Variants in LIN7B observed in about 807,000 individuals in gnomAD.
LIN7B encodes the protein protein lin-7 homolog B.
A neutral mutation model predicts 27.9 loss-of-function variants in LIN7B; 16 were observed. The observed-to-expected ratio is 0.57, with a 90% CI of 0.39 to 0.87. The LOEUF (loss-of-function observed/expected upper bound fraction) is 0.87. Among genes scored for constraint, LIN7B ranks in the 40% least tolerant of loss-of-function variants. The pLI is 0.00. For synonymous variants in LIN7B, 147 were observed against 120.8 expected (o/e 1.22, Z -1.42); for missense variants, 291 against 288.5 (o/e 1.01, Z -0.06).
Position 49,114,425 on chromosome 19 carries a change from G to A in LIN7B, c.21G>A (p.Pro7=), listed in dbSNP as rs1034811438. Residue 7 remains proline, a synonymous_variant, in exon 1 of 6, where the codon CCG becomes CCA. Coordinates refer to ENST00000221459, the MANE Select transcript of LIN7B (RefSeq NM_022165.3). ...CCGACATGGCTGCGCTGGTGGAGCC[G>A]CTGGGGCTGGAGCGGGGTAAGCGTG... The part of the protein sequence containing the change: MAALVE[P]LGLERDVSRA... 1.7e-6 allele frequency: 2 copies of A among 1,206,142 alleles called. No individual in the cohort carries two copies. The highest frequency in any genetic ancestry group is 2.1e-6 in the Non-Finnish European group (2 of 971,416). 74.7% of individuals were successfully genotyped at this position (1,206,142 alleles called of 1,614,324 possible). A position where few individuals can be genotyped will look rare whatever the true frequency, so the allele number is the denominator to read the frequency against.
intron 3 of LIN7B, among the ~76,000 whole-genome samples, chr19:49,115,648 C>T (rs147126907): frequency 2.0e-5 from 3 of 152,038 alleles, no homozygotes; most frequent in Admixed American, 6.6e-5. Context: ...TGCTGCTGTC[C>T]GGAGGCTCAG....
At position 49,117,498 on chromosome 19, in the gene LIN7B, TG is replaced by T. The variant is rs1333186402; in HGVS notation, c.439-353del. On this transcript the variant is annotated intron_variant, in intron 4 of 5. Coordinates refer to ENST00000221459, the MANE Select transcript of LIN7B (RefSeq NM_022165.3). ...TTAGAAGCCAGGCCAGGGAGGAGGC[TG>T]GGGTAAGAGTCCAGAGAAAAGAGGA... is the stretch of plus-strand genomic sequence containing the variant. 2.6e-5 allele frequency among the ~76,000 whole-genome samples: 4 copies of T among 151,856 alleles called. No homozygotes were observed. The East Asian group carries it at 7.7e-4, about 29-fold the overall frequency.
chr19:49,117,535 GC>G (rs1350056830), intron 4 of LIN7B, among the ~76,000 whole-genome samples: 1 of 152,202 alleles, frequency 6.6e-6, no homozygotes, highest in Admixed American at 6.5e-5. Context: ...CAAGGCCTGA[GC>G]TGGCCCAGGG....
intron 4 of LIN7B, 38 bp from the exon 5 acceptor site, chr19:49,117,817 C>T (rs1395180778): frequency 1.9e-6 from 3 of 1,584,206 alleles, no homozygotes; most frequent in African/African-American, 1.3e-5. Flanking sequence ...ACGAGGGCAG[C>T]GGGCCCCAGG....
intron 2 of LIN7B, 84 bp from the exon 3 acceptor site, chr19:49,115,176 C>T: frequency 1.6e-6 from 2 of 1,216,720 alleles, no homozygotes; most frequent in African/African-American, 1.6e-5. Context: ...TGCGTGGTAG[C>T]GGGAGAGGGT....
chr19:49,117,766 A>G, intron 4 of LIN7B, 89 bp from the exon 5 acceptor site: 2 of 1,164,848 alleles, frequency 1.7e-6, no homozygotes, highest in South Asian at 2.6e-5. Flanking sequence ...GGCTGGCACC[A>G]GGCTCACTAG....
intron 3 of LIN7B, chr19:49,115,762 G>C (rs138462466): frequency 6.3e-6 from 1 of 158,068 alleles, no homozygotes; most frequent in Non-Finnish European, 1.4e-5. Context: ...GAGGCAGGTG[G>C]ATCAGTTGAG....
chr19:49,115,160 G>T, intron 2 of LIN7B, 100 bp from the exon 3 acceptor site: 1 of 1,108,100 alleles, frequency 9.0e-7, no homozygotes, highest in Non-Finnish European at 1.3e-6. Context: ...GGGCGGGGCG[G>T]ATCCTTGCGT....
At chr19:49,118,294 C>T (rs2040869287) in intron 5 of LIN7B, 58 bp from the exon 6 acceptor site, 1 of 1,593,098 alleles carries the variant, frequency 6.3e-7, no homozygotes, top group Non-Finnish European at 8.6e-7. Context: ...CCAGTCCTGC[C>T]CCTCTTGTCT....
In LIN7B at chr19:49,117,751, C is replaced by T. The variant is rs564453982; in HGVS notation, c.439-104C>T. The T allele has an allele frequency of 2.2e-4, 223 of 997,038 alleles. 1 individual carries two copies. The African/African-American group carries it at 3.2e-3, about 14-fold the overall frequency. The allele number at this position is 997,038 out of a possible 1,614,324, so 61.8% of individuals were successfully genotyped here. A position where few individuals can be genotyped will look rare whatever the true frequency, so the allele number is the denominator to read the frequency against. ...CGAGGAGGACATGAGGCATTGACAT[C>T]TCAGGGCTGGCACCAGGCTCACTAG... On this transcript the variant is annotated intron_variant, in intron 4 of 5. Transcript: ENST00000221459.
rs147838609 is a variant in LIN7B at position 49,116,355 on chromosome 19, C to T, written c.321C>T (p.Ile107=). ...CGGATGAGGGCCTAGGCTTCAACAT[C>T]ATGGGTGGCAAAGAGCAAAACTCGC... ...PKTDEGLGFN[I]MGGKEQNSPI... Residue 107 remains isoleucine (I), a synonymous_variant, in exon 4 of 6, where the codon ATC becomes ATT. Transcript: ENST00000221459. 11 of 1,614,098 alleles carry T rather than the reference C, an allele frequency of 6.8e-6. No homozygotes were observed. The African/African-American group carries it at 1.5e-4, about 22-fold the overall frequency.
At position 49,117,848 on chromosome 19, in the gene LIN7B, C is replaced by T. The variant is rs1418290203; in HGVS notation, c.439-7C>T. 9 of 1,612,862 alleles carry T rather than the reference C, an allele frequency of 5.6e-6. No homozygotes were observed. In the Admixed American group the frequency reaches 6.7e-5, roughly 12 times the overall value. ...CCAGGCTCAGCTGTCTGTGTTGGGC[C>T]CTGCAGAGCGTTGAGGGTGAGCAGC... On this transcript the variant is annotated splice_region_variant and splice_polypyrimidine_tract_variant and intron_variant, in intron 4 of 5. Transcript: ENST00000221459.
In LIN7B at chr19:49,118,342, C is replaced by T. The variant is rs774631575; in HGVS notation, c.603-10C>T. ...CCTGATCCCGGGTCCCTTGTCCACC[C>T]CCCTTGCAGGTCCTTGGAGTCTCGA... On this transcript the variant is annotated splice_polypyrimidine_tract_variant and intron_variant, in intron 5 of 5. Transcript: ENST00000221459. 1.2e-6 allele frequency: 2 copies of T among 1,614,056 alleles called. No individual in the cohort carries two copies. The highest frequency in any genetic ancestry group is 1.7e-6 in the Non-Finnish European group (2 of 1,179,982).
Position 49,114,954 on chromosome 19 carries a change from C to A in LIN7B, c.143C>A (p.Ser48Tyr). 3 of 1,429,188 alleles carry A rather than the reference C, an allele frequency of 2.1e-6. No homozygotes were observed. Among genetic ancestry groups the A allele is most frequent in the South Asian group, 2.9e-5 (2 of 69,288 alleles). The allele number at this position is 1,429,188 out of a possible 1,614,324, so 88.5% of individuals were successfully genotyped here. The stretch of plus-strand genomic sequence containing the variant: ...CGAGTTCTGCAGAGCCGCTTCTGCT[C>A]CGCTATCCGAGAGGTGAGGGGCGCG... Reference protein sequence around the residue: ...LQRVLQSRFCSAIREVYEQLY... With the variant: ...LQRVLQSRFCYAIREVYEQLY... Residue 48 changes from serine (S) to tyrosine (Y), a missense_variant, in exon 2 of 6, where the codon TCC (serine) becomes TAC (tyrosine). Coordinates refer to ENST00000221459, the MANE Select transcript of LIN7B (RefSeq NM_022165.3).
chr19:49,114,411 G>A lies in LIN7B; in HGVS notation c.7G>A (p.Ala3Thr). Residue 3 changes from alanine (A) to threonine (T), a missense_variant, in exon 1 of 6, where the codon GCG (alanine) becomes ACG (threonine). Coordinates refer to ENST00000221459, the MANE Select transcript of LIN7B (RefSeq NM_022165.3). MAALVEPLGLERD... is the reference protein window; with the variant it reads MATLVEPLGLERD... ...TGGCAGCTGTGGCGCCGACATGGCT[G>A]CGCTGGTGGAGCCGCTGGGGCTGGA... 5 of 1,203,584 alleles carry A rather than the reference G, an allele frequency of 4.2e-6. No individual in the cohort carries two copies. Among genetic ancestry groups the A allele is most frequent in the South Asian group, 8.3e-5 (2 of 24,112 alleles). The allele number at this position is 1,203,584 out of a possible 1,614,324, so 74.6% of individuals were successfully genotyped here.
intron 1 of LIN7B, 150 bp from the exon 2 acceptor site, chr19:49,114,699 G>C: frequency 2.2e-6 from 1 of 460,888 alleles, no homozygotes. Flanking sequence ...AGTCTCTCCT[G>C]CGCCACCCTG....
rs573658722 is a variant in LIN7B, at chr19:49,115,091, C to T, written c.156+124C>T. 3.4e-6 allele frequency: 3 copies of T among 886,202 alleles called. No homozygotes were observed. In the East Asian group the frequency reaches 9.7e-5, roughly 29 times the overall value. The allele number at this position is 886,202 out of a possible 1,614,324, so 54.9% of individuals were successfully genotyped here. On this transcript the variant is annotated intron_variant, in intron 2 of 5. Coordinates refer to ENST00000221459, the MANE Select transcript of LIN7B (RefSeq NM_022165.3). ...TCCCGAGGCGGCCCGCCTTGGGGTG[C>T]CAACGCTTCAGCTCAGGGGTTCTTC...
intron 5 of LIN7B, 160 bp downstream of exon 5, chr19:49,118,178 G>C: frequency 7.3e-7 from 1 of 1,362,902 alleles, no homozygotes; most frequent in Non-Finnish European, 1.0e-6. Flanking sequence ...AGGCTAGTTT[G>C]GCCAAATCCC....
intron 2 of LIN7B, 56 bp downstream of exon 2, chr19:49,115,023 C>G: frequency 8.5e-7 from 1 of 1,177,170 alleles, no homozygotes; most frequent in East Asian, 3.0e-5. Context: ...TCCTCCTCCT[C>G]CTCCTGCTTG....
Sources: gnomAD v4.1 joint callset for allele counts (sites outside exome capture counted in the v4.1 genomes callset) on GRCh38, gnomAD v4.1.1 for gene constraint, MANE v1.5 for transcripts, NCBI Gene and HGNC (gene_info 2026-07-23, HGNC 2026-07-21) for gene names.